The following PTH2R variants were observed in gnomAD, a reference collection of about 807,000 sequenced individuals.
PTH2R encodes parathyroid hormone 2 receptor, also known as PTH2 receptor.
In PTH2R, 59 loss-of-function variants were observed where a neutral mutation model predicts 60.3. The ratio of observed to expected loss-of-function variants is 0.98; its 90% CI spans 0.79 to 1.22. PTH2R has a LOEUF of 1.22. Among genes scored for constraint, PTH2R ranks in the 50% most tolerant of loss-of-function variants. The probability of loss-of-function intolerance (pLI) is 0.00; values close to 1 mark genes in which losing one functional copy is unlikely to be tolerated. For missense variants in PTH2R, 749 were observed against 682.6 expected (o/e 1.10, Z -1.08); for synonymous variants, 256 against 243.8 (o/e 1.05, Z -0.47).
At chr2:208,361,191 G>C in intron 1 of PTH2R, 1 of 155,486 alleles carries the variant, frequency 6.4e-6, no homozygotes, top group Non-Finnish European at 1.4e-5. Context: ...GTCACGATGA[G>C]GTTACTCTTG....
chr2:208,467,321 T>A (rs1351011638), intron 9 of PTH2R, among the ~76,000 whole-genome samples: 1 of 152,184 alleles, frequency 6.6e-6, no homozygotes, highest in Non-Finnish European at 1.5e-5. Context: ...TATAATTTAA[T>A]ACAAAAATCT....
chr2:208,490,674 T>C lies in PTH2R; in HGVS notation c.1251T>C (p.Asn417=), dbSNP rs1306236469. Residue 417 remains asparagine (N), a synonymous_variant, in exon 12 of 13, where the codon AAT becomes AAC. Coordinates refer to ENST00000272847, the MANE Select transcript of PTH2R (RefSeq NM_005048.4). Reference sequence around the variant, plus strand: ...TGTCTATCATCTACTGCTACTGCAATGGAGAGGTAGGTTTGTAGGAACCTT... The same window carrying C: ...TGTCTATCATCTACTGCTACTGCAACGGAGAGGTAGGTTTGTAGGAACCTT... ...FFVSIIYCYC[N]GEVQAEVKKM... The C allele has an allele frequency of 1.2e-6, 2 of 1,609,058 alleles. No individual in the cohort carries two copies. The highest frequency in any genetic ancestry group is 2.7e-5 in the African/African-American group (2 of 74,670).
At chr2:208,466,984 T>C (rs917134003) in intron 9 of PTH2R, among the ~76,000 whole-genome samples, 5 of 152,172 alleles carry the variant, frequency 3.3e-5, no homozygotes, top group Admixed American at 1.3e-4. Flanking sequence ...TTATTGTAAA[T>C]TGATTTTGTT....
At chr2:208,493,240 C>T in intron 12 of PTH2R, 24 bp from the exon 13 acceptor site, 1 of 1,484,386 alleles carries the variant, frequency 6.7e-7, no homozygotes, top group South Asian at 1.5e-5. Context: ...ATTTCTCATG[C>T]ACAGCATGTT....
At chr2:208,437,495 AT>A (rs773027810) in intron 2 of PTH2R, 41 bp from the exon 3 acceptor site, 78 of 1,525,264 alleles carry the variant, frequency 5.1e-5, no homozygotes, top group Non-Finnish European at 6.7e-5. Flanking sequence ...TTCTAACTAC[AT>A]TTTTCTTTGT....
chr2:208,453,383 G>A (rs539455741), intron 8 of PTH2R, among the ~76,000 whole-genome samples: 9 of 152,258 alleles, frequency 5.9e-5, no homozygotes, highest in East Asian at 1.9e-4. Flanking sequence ...TTGTTAGTGC[G>A]TTTGAAATCT....
chr2:208,468,426 A>G (rs1330942821), intron 9 of PTH2R, among the ~76,000 whole-genome samples: 1 of 152,174 alleles, frequency 6.6e-6, no homozygotes, highest in Non-Finnish European at 1.5e-5. Flanking sequence ...TGACTTCAGC[A>G]TCAATGTCCC....
chr2:208,453,257 T>G (rs1422899193), intron 8 of PTH2R, among the ~76,000 whole-genome samples: 2 of 152,206 alleles, frequency 1.3e-5, no homozygotes, highest in African/African-American at 4.8e-5. Flanking sequence ...GCCTGTGTAT[T>G]TGTATTGCAT....
In PTH2R at chr2:208,477,882, A is replaced by G. The variant is rs555451811; in HGVS notation, c.982-3188A>G. ...AATTATGTCTTAATTTAAAAAAATT[A>G]CTACTAGTACTAGCACTACTACTAG... On this transcript the variant is annotated intron_variant, in intron 9 of 12. Coordinates refer to ENST00000272847, the MANE Select transcript of PTH2R (RefSeq NM_005048.4). Among the ~76,000 whole-genome samples, 40 of 147,726 alleles carry G rather than the reference A, an allele frequency of 2.7e-4. 1 individual carries two copies. The highest frequency in any genetic ancestry group is 9.1e-4 in the African/African-American group (36 of 39,562).
chr2:208,426,289 T>A (rs912051457), intron 1 of PTH2R, among the ~76,000 whole-genome samples: 8 of 152,266 alleles, frequency 5.3e-5, no homozygotes, highest in Admixed American at 3.3e-4. Context: ...CCAGGAAAAA[T>A]TACTAACATC....
At chr2:208,455,480 T>G (rs1475875536) in intron 8 of PTH2R, among the ~76,000 whole-genome samples, 2 of 152,212 alleles carry the variant, frequency 1.3e-5, no homozygotes, top group Non-Finnish European at 2.9e-5. Flanking sequence ...ATATTCCACT[T>G]TCTTCCTAAC....
At chr2:208,442,826 T>C (rs1387393331) in intron 5 of PTH2R, among the ~76,000 whole-genome samples, 3 of 152,166 alleles carry the variant, frequency 2.0e-5, no homozygotes, top group Non-Finnish European at 4.4e-5. Flanking sequence ...AAAGAAATAG[T>C]ATTTATTGCT....
intron 11 of PTH2R, among the ~76,000 whole-genome samples, chr2:208,489,500 G>A (rs776674587): frequency 6.6e-6 from 1 of 152,060 alleles, no homozygotes; most frequent in Non-Finnish European, 1.5e-5. Flanking sequence ...GTGAAGGCAG[G>A]AAAGAGCAAA....
intron 9 of PTH2R, among the ~76,000 whole-genome samples, chr2:208,469,079 C>A (rs933120464): frequency 8.5e-5 from 13 of 152,168 alleles, no homozygotes; most frequent in Admixed American, 7.9e-4. Flanking sequence ...GGTCACACGA[C>A]TAGTATGATG....
chr2:208,451,452 T>A (rs1702406490), intron 8 of PTH2R, among the ~76,000 whole-genome samples: 1 of 152,170 alleles, frequency 6.6e-6, no homozygotes, highest in Non-Finnish European at 1.5e-5. Flanking sequence ...TCAAAATATT[T>A]TTGAGGCTGA....
chr2:208,443,812 C>T (rs893012313), intron 6 of PTH2R, among the ~76,000 whole-genome samples: 5 of 152,166 alleles, frequency 3.3e-5, no homozygotes, highest in African/African-American at 1.2e-4. Flanking sequence ...GGCATAGGCA[C>T]CACAGCAACT....
intron 7 of PTH2R, among the ~76,000 whole-genome samples, chr2:208,449,976 G>A (rs1271182198): frequency 6.6e-6 from 1 of 152,036 alleles, no homozygotes; most frequent in African/African-American, 2.4e-5. Context: ...AAGTCTTTCA[G>A]TCCCCTACTG....
chr2:208,435,353 G>A lies in PTH2R; in HGVS notation c.179-2184G>A, dbSNP rs113334120. On this transcript the variant is annotated intron_variant, in intron 2 of 12. Coordinates refer to ENST00000272847, the MANE Select transcript of PTH2R (RefSeq NM_005048.4). Reference sequence around the variant, plus strand: ...CTGCTGTTGTGCCTGTGTATGCTGTGTCACATGGCAGAAGGGACTTTGCAG... The same window carrying A: ...CTGCTGTTGTGCCTGTGTATGCTGTATCACATGGCAGAAGGGACTTTGCAG... 8.9e-3 allele frequency among the ~76,000 whole-genome samples: 1,358 copies of A among 152,232 alleles called. 22 individuals carry two copies. Among genetic ancestry groups the A allele is most frequent in the African/African-American group, 0.03 (1,250 of 41,560 alleles).
At position 208,439,235 on chromosome 2, in the gene PTH2R, A is replaced by G. The variant is rs560999617; in HGVS notation, c.411+1354A>G. On this transcript the variant is annotated intron_variant, in intron 4 of 12. Coordinates refer to ENST00000272847, the MANE Select transcript of PTH2R (RefSeq NM_005048.4). ...GTGTATTTTAAGAATAAAAATAACT[A>G]AAGATGGTTGATGTACTCAATATAT... Among the ~76,000 whole-genome samples, 4 of 152,270 alleles carry G rather than the reference A, an allele frequency of 2.6e-5. No individual in the cohort carries two copies. In the South Asian group the frequency reaches 8.3e-4, roughly 32 times the overall value.
Sources: gnomAD v4.1 joint callset for allele counts (sites outside exome capture counted in the v4.1 genomes callset) on GRCh38, gnomAD v4.1.1 for gene constraint, MANE v1.5 for transcripts, NCBI Gene and HGNC (gene_info 2026-07-23, HGNC 2026-07-21) for gene names.